Variants in C8orf89 observed in about 807,000 individuals in gnomAD.
The protein encoded by C8orf89 is chromosome 8 open reading frame 89.
C8orf89 carries 14 observed loss-of-function variants against 15.8 expected under a neutral mutation model. The observed-to-expected ratio is 0.89, with a 90% CI of 0.59 to 1.39. The LOEUF (loss-of-function observed/expected upper bound fraction) is 1.39. C8orf89 is among the 40% of genes most tolerant of loss of function. The pLI is 0.00. For missense variants in C8orf89, 181 were observed against 184.5 expected (o/e 0.98, Z 0.11); for synonymous variants, 55 against 62.2 (o/e 0.88, Z 0.54).
the C8orf89 span, among the ~76,000 whole-genome samples, chr8:73,280,756 TATAC>T: frequency 1.6e-3 from 218 of 140,146 alleles, no homozygotes; most frequent in East Asian, 0.013. Flanking sequence ...CACACACACA[TATAC>T]ATACATACAT....
At chr8:73,254,144 A>C (rs536319503) in intron 2 of C8orf89, among the ~76,000 whole-genome samples, 1 of 151,962 alleles carries the variant, frequency 6.6e-6, no homozygotes, top group Non-Finnish European at 1.5e-5. Context: ...TAGCATGAAG[A>C]GTTGTTGAAT....
intron 2 of C8orf89, among the ~76,000 whole-genome samples, chr8:73,254,603 ATTT>A (rs1370268579): frequency 6.6e-6 from 1 of 152,090 alleles, no homozygotes; most frequent in African/African-American, 2.4e-5. Context: ...ATGCCTGGTC[ATTT>A]GGGTGGCTGG....
At chr8:73,279,402 A>G in the C8orf89 span, among the ~76,000 whole-genome samples, 2 of 152,206 alleles carry the variant, frequency 1.3e-5, no homozygotes, top group Non-Finnish European at 2.9e-5. Flanking sequence ...AGTAATATGA[A>G]TTCAGACCCC....
At chr8:73,283,970 A>G in the C8orf89 span, among the ~76,000 whole-genome samples, 1 of 151,288 alleles carries the variant, frequency 6.6e-6, no homozygotes, top group Admixed American at 6.6e-5. Context: ...TTGAACCTGG[A>G]GGCGGAGGTT....
At position 73,256,990 on chromosome 8, in the gene C8orf89, G is replaced by A. The variant is rs760532989; in HGVS notation, c.264C>T (p.Ala88=). The change falls in exon 2 of 4, where the codon GCC becomes GCT. Residue 88 remains alanine, a synonymous_variant. Transcript: ENST00000624510. Reference sequence around the variant, plus strand: ...TGATCTACCTGACTGCAGACACCTCGGCATCAGCACGTGGCAGTCTTTTAG... The same window carrying A: ...TGATCTACCTGACTGCAGACACCTCAGCATCAGCACGTGGCAGTCTTTTAG... ...EVPKRLPRAD[A]EVSAVRLKKT... 208 of 1,534,062 alleles carry A rather than the reference G, an allele frequency of 1.4e-4. 1 individual carries two copies. Among genetic ancestry groups the A allele is most frequent in the African/African-American group, 3.0e-4 (22 of 72,890 alleles).
chr8:73,264,485 T>C (rs1017041416), upstream of C8orf89, among the ~76,000 whole-genome samples: 6 of 152,096 alleles, frequency 3.9e-5, no homozygotes, highest in Admixed American at 3.9e-4. Context: ...GAAGGTCTCA[T>C]TGACAAAGTG....
intron 3 of C8orf89, among the ~76,000 whole-genome samples, chr8:73,243,612 C>G (rs1813057394): frequency 6.6e-6 from 1 of 152,156 alleles, no homozygotes; most frequent in South Asian, 2.1e-4. Context: ...TCACTGCAAC[C>G]TCCACTTCCC....
At chr8:73,271,461 G>T in the C8orf89 span, among the ~76,000 whole-genome samples, 2 of 152,086 alleles carry the variant, frequency 1.3e-5, no homozygotes, top group African/African-American at 2.4e-5. Context: ...ATGCCCCTTG[G>T]GTTAGGTCCC....
At chr8:73,248,849 A>G (rs974209257) in intron 3 of C8orf89, among the ~76,000 whole-genome samples, 2 of 152,118 alleles carry the variant, frequency 1.3e-5, no homozygotes, top group African/African-American at 4.8e-5. Context: ...GGCCAAGACT[A>G]TGGGGTTTTC....
chr8:73,246,369 TTTTG>T (rs796644173), intron 3 of C8orf89, among the ~76,000 whole-genome samples: 4 of 152,072 alleles, frequency 2.6e-5, no homozygotes, highest in Non-Finnish European at 5.9e-5. Flanking sequence ...CTTTTGGGTT[TTTTG>T]TTTGTTTGTT....
chr8:73,259,080 C>T (rs1219535702), intron 1 of C8orf89, among the ~76,000 whole-genome samples: 1 of 152,008 alleles, frequency 6.6e-6, no homozygotes, highest in Non-Finnish European at 1.5e-5. Context: ...TTAAGAAATG[C>T]AGTTCTTTCA....
At chr8:73,258,999 T>G (rs991178270) in intron 1 of C8orf89, among the ~76,000 whole-genome samples, 1 of 151,944 alleles carries the variant, frequency 6.6e-6, no homozygotes, top group African/African-American at 2.4e-5. Context: ...AAAATCACCT[T>G]GAGTTATTTA....
the C8orf89 span, chr8:73,277,447 T>C: frequency 1.8e-6 from 2 of 1,127,556 alleles, no homozygotes; most frequent in Non-Finnish European, 2.6e-6. Context: ...GTCTCCAAAT[T>C]CTTTTTCTCG....
intron 3 of C8orf89, among the ~76,000 whole-genome samples, chr8:73,246,209 T>C (rs914243800): frequency 2.0e-5 from 3 of 152,204 alleles, no homozygotes; most frequent in African/African-American, 7.2e-5. Flanking sequence ...TCAAAATAAG[T>C]AATAATAAGT....
At chr8:73,252,907 C>T (rs1250176179) in intron 2 of C8orf89, among the ~76,000 whole-genome samples, 2 of 152,136 alleles carry the variant, frequency 1.3e-5, no homozygotes, top group South Asian at 2.1e-4. Context: ...TTTGGGAGGC[C>T]GAGGTGGGTG....
At chr8:73,251,815 C>T (rs1813255567) in intron 2 of C8orf89, among the ~76,000 whole-genome samples, 1 of 152,110 alleles carries the variant, frequency 6.6e-6, no homozygotes, top group South Asian at 2.1e-4. Flanking sequence ...GGTAACAAGA[C>T]GGGTCCATAC....
intron 3 of C8orf89, among the ~76,000 whole-genome samples, chr8:73,245,300 AAAAC>A (rs1253757872): frequency 6.6e-6 from 1 of 152,370 alleles, no homozygotes; most frequent in African/African-American, 2.4e-5. Context: ...TATCAGTCAA[AAAAC>A]AAATCATAAT....
chr8:73,273,678 A>G, the C8orf89 span, among the ~76,000 whole-genome samples: 1 of 151,236 alleles, frequency 6.6e-6, no homozygotes, highest in Non-Finnish European at 1.5e-5. Flanking sequence ...CCTGGGGCCC[A>G]GGCTGTCAGT....
At chr8:73,270,576 A>G in the C8orf89 span, among the ~76,000 whole-genome samples, 1 of 152,216 alleles carries the variant, frequency 6.6e-6, no homozygotes, top group East Asian at 1.9e-4. Context: ...AAGGAACACA[A>G]CTAAAGAAGA....
Sources: allele counts gnomAD v4.1 joint callset (sites outside exome capture counted in the v4.1 genomes callset), GRCh38; gene constraint gnomAD v4.1.1; transcripts MANE v1.5; gene names NCBI Gene and HGNC (gene_info 2026-07-23, HGNC 2026-07-21).